The following TRPM3 variants were observed in gnomAD, a reference collection of about 807,000 sequenced individuals.
TRPM3 encodes long transient receptor potential channel 3.
Under a neutral mutation model 181.2 loss-of-function variants are expected in TRPM3, and 77 were observed. The ratio of observed to expected loss-of-function variants is 0.42; its 90% CI spans 0.35 to 0.51. The LOEUF (loss-of-function observed/expected upper bound fraction) is 0.51. TRPM3 is among the 20% of genes least tolerant of loss of function. The pLI, the probability that TRPM3 is intolerant of heterozygous loss-of-function variation, is 0.01. For synonymous variants in TRPM3, 745 were observed against 796.4 expected, an observed-to-expected ratio of 0.94 and a Z score of 1.09; for missense variants, 1,759 against 2,196.7, an observed-to-expected ratio of 0.80 and a Z score of 3.98.
At chr9:71,438,132 C>T (rs1201954862) in intron 1 of TRPM3, among the ~76,000 whole-genome samples, 2 of 152,052 alleles carry the variant, frequency 1.3e-5, no homozygotes, top group Non-Finnish European at 2.9e-5. Context: ...CAGCAAAATA[C>T]AGAATGTAGA....
At chr9:70,923,242 T>C (rs1026632603) in intron 1 of TRPM3, among the ~76,000 whole-genome samples, 3 of 152,196 alleles carry the variant, frequency 2.0e-5, no homozygotes, top group Admixed American at 6.5e-5. Context: ...CATGGCGTTT[T>C]ACACTTTTTA....
intron 1 of TRPM3, among the ~76,000 whole-genome samples, chr9:71,320,695 G>T: frequency 6.6e-6 from 1 of 151,978 alleles, no homozygotes; most frequent in East Asian, 1.9e-4. Context: ...GCCTTTAATT[G>T]CCACTTATAC....
intron 1 of TRPM3, among the ~76,000 whole-genome samples, chr9:70,966,388 T>G (rs952907767): frequency 6.6e-6 from 1 of 152,104 alleles, no homozygotes; most frequent in Non-Finnish European, 1.5e-5. Context: ...ATTCCATTAC[T>G]GGGTATTTAT....
intron 1 of TRPM3, among the ~76,000 whole-genome samples, chr9:70,907,684 T>C (rs1051828851): frequency 2.0e-5 from 3 of 152,206 alleles, no homozygotes; most frequent in Non-Finnish European, 4.4e-5. Context: ...TAGGTAGTTT[T>C]CCAACCCTTC....
intron 1 of TRPM3, among the ~76,000 whole-genome samples, chr9:71,265,890 A>G (rs2083362672): frequency 6.6e-6 from 1 of 152,226 alleles, no homozygotes; most frequent in Non-Finnish European, 1.5e-5. Flanking sequence ...CCACTCAATT[A>G]AAATTCAGAA....
intron 1 of TRPM3, among the ~76,000 whole-genome samples, chr9:71,238,059 C>A (rs990338128): frequency 3.9e-5 from 6 of 152,236 alleles, no homozygotes; most frequent in Non-Finnish European, 8.8e-5. Context: ...TCTGATTGTT[C>A]ACTACAATGA....
At chr9:71,094,460 C>T (rs1019477627) in intron 1 of TRPM3, among the ~76,000 whole-genome samples, 4 of 152,054 alleles carry the variant, frequency 2.6e-5, no homozygotes, top group Admixed American at 2.6e-4. Flanking sequence ...TTTATTCTCT[C>T]GACTGCTTCT....
chr9:70,698,839 CCTT>C (rs796459192), intron 8 of TRPM3, among the ~76,000 whole-genome samples: 3 of 151,324 alleles, frequency 2.0e-5, no homozygotes, highest in African/African-American at 7.3e-5. Context: ...ATGTAAGACT[CCTT>C]CTCCCACTTT....
intron 1 of TRPM3, among the ~76,000 whole-genome samples, chr9:71,054,540 T>C (rs1591023785): frequency 6.6e-6 from 1 of 152,294 alleles, no homozygotes; most frequent in Non-Finnish European, 1.5e-5. Context: ...GTGCCACTTT[T>C]GTTTTTACTT....
intron 1 of TRPM3, among the ~76,000 whole-genome samples, chr9:71,438,219 C>T (rs11142832): frequency 0.089 from 13,596 of 152,106 alleles, 855 homozygotes; most frequent in African/African-American, 0.17. Context: ...AGAGGGAAAA[C>T]CATAGACTAA....
chr9:70,686,393 A>C (rs2066771393), intron 8 of TRPM3, among the ~76,000 whole-genome samples: 1 of 152,228 alleles, frequency 6.6e-6, no homozygotes, highest in Non-Finnish European at 1.5e-5. Flanking sequence ...GTATATCAGT[A>C]AAATAAACTT....
At chr9:70,595,459 C>A (rs913352082) in intron 21 of TRPM3, among the ~76,000 whole-genome samples, 1 of 152,168 alleles carries the variant, frequency 6.6e-6, no homozygotes, top group Admixed American at 6.5e-5. Flanking sequence ...TGGGTAGACA[C>A]TGCTAAATAT....
chr9:71,034,352 A>C (rs1193041902), intron 1 of TRPM3, among the ~76,000 whole-genome samples: 4 of 152,168 alleles, frequency 2.6e-5, no homozygotes, highest in African/African-American at 9.7e-5. Context: ...AATTGAGCTT[A>C]TTCCCAAGAA....
In TRPM3 at chr9:70,884,176, G is replaced by A. The variant is rs866297633; in HGVS notation, c.178-19665C>T. On this transcript the variant is annotated intron_variant, in intron 1 of 25. Coordinates refer to ENST00000677713, the MANE Select transcript of TRPM3 (RefSeq NM_001366145.2). ...TGTGGTTTATAACAATCCCTTCCAG[G>A]GACAGTATCCAAAAGTAAACTCCTC... Among the ~76,000 whole-genome samples, 5 of 152,168 alleles carry A rather than the reference G, an allele frequency of 3.3e-5. No individual in the cohort carries two copies. The Middle Eastern group carries it at 0.01, about 311-fold the overall frequency.
chr9:70,814,576 C>A (rs2092494819), intron 6 of TRPM3, among the ~76,000 whole-genome samples: 1 of 152,184 alleles, frequency 6.6e-6, no homozygotes, highest in Non-Finnish European at 1.5e-5. Flanking sequence ...TTGGTCTCAT[C>A]AGTTTTATAC....
At chr9:71,405,854 G>T (rs2093426158) in intron 1 of TRPM3, among the ~76,000 whole-genome samples, 2 of 152,222 alleles carry the variant, frequency 1.3e-5, no homozygotes, top group African/African-American at 4.8e-5. Flanking sequence ...CAAAGGCTAA[G>T]AAAGCATCTA....
At chr9:70,603,202 G>A in intron 20 of TRPM3, 140 bp downstream of exon 20, 1 of 1,014,898 alleles carries the variant, frequency 9.9e-7, no homozygotes, top group Non-Finnish European at 1.4e-6. Context: ...TGTCAGAGGA[G>A]CAAAGAAGCA....
intron 1 of TRPM3, among the ~76,000 whole-genome samples, chr9:71,363,198 C>G (rs1424330294): frequency 6.6e-6 from 1 of 152,094 alleles, no homozygotes; most frequent in Admixed American, 6.6e-5. Context: ...AGAGAAATGC[C>G]CAGTGAAATG....
intron 1 of TRPM3, among the ~76,000 whole-genome samples, chr9:71,372,347 C>CA (rs1032982340): frequency 1.3e-5 from 2 of 152,050 alleles, no homozygotes; most frequent in African/African-American, 4.8e-5. Context: ...GGTATATACC[C>CA]AGTAATGGAA....
Sources: gnomAD v4.1 joint callset for allele counts (sites outside exome capture counted in the v4.1 genomes callset) on GRCh38, gnomAD v4.1.1 for gene constraint, MANE v1.5 for transcripts, NCBI Gene and HGNC (gene_info 2026-07-23, HGNC 2026-07-21) for gene names.